The following NAPA variants were observed in gnomAD, a reference collection of about 807,000 sequenced individuals.
The protein encoded by NAPA is alpha-soluble NSF attachment protein.
Under a neutral mutation model 48.0 loss-of-function variants are expected in NAPA, and 18 were observed. That is an observed-to-expected ratio of 0.38 (90% confidence interval 0.26 to 0.56). NAPA has a LOEUF of 0.56. NAPA is among the 20% of genes least tolerant of loss of function. NAPA has a pLI of 0.77. For missense variants in NAPA, 315 were observed against 385.0 expected (o/e 0.82, Z 1.52); for synonymous variants, 152 against 149.9 (o/e 1.01, Z -0.10).
Position 47,489,760 on chromosome 19 carries a change from T to A in NAPA, c.737A>T (p.Lys246Ile). Residue 246 changes from lysine to isoleucine, a missense_variant and splice_region_variant, in exon 10 of 11, where the codon AAA becomes ATA. Transcript: ENST00000263354. ...SDSRECKLMK[K>I]LLEAHEEQNV... ...CTGCTCCTCGTGGGCCTCTAGCAAT[T>A]TCTGCAAGCAAATGGCAGAGAGGGG... is the stretch of plus-strand genomic sequence containing the variant. 6.2e-7 allele frequency: 1 copy of A among 1,614,044 alleles called. No homozygotes were observed. Among genetic ancestry groups the A allele is most frequent in the Non-Finnish European group, 8.5e-7 (1 of 1,179,982 alleles).
rs1325932508 is a variant in NAPA, at chr19:47,488,407, G to A, written c.787-18C>T. 1 of 1,597,222 alleles carries A rather than the reference G, an allele frequency of 6.3e-7. No homozygotes were observed. On this transcript the variant is annotated intron_variant, in intron 10 of 10. Coordinates refer to ENST00000263354, the MANE Select transcript of NAPA (RefSeq NM_003827.4). ...TCCTTCACCTGAGGGCACACCAGGT[G>A]ATAGGCTGGCCATGCTCCCCCCGTT...
intron 3 of NAPA, among the ~76,000 whole-genome samples, chr19:47,498,687 G>C (rs956157017): frequency 2.0e-5 from 3 of 152,176 alleles, no homozygotes; most frequent in Non-Finnish European, 4.4e-5. Flanking sequence ...CCAAAGCACT[G>C]AAATTACAGG....
Position 47,488,329 on chromosome 19 carries a change from T to C in NAPA, c.847A>G (p.Ile283Val). 2.5e-6 allele frequency: 4 copies of C among 1,613,716 alleles called. No individual in the cohort carries two copies. The highest frequency in any genetic ancestry group is 3.4e-6 in the Non-Finnish European group (4 of 1,179,776). The change falls in exon 11 of 11, where the codon ATC (isoleucine) becomes GTC (valine). Residue 283 changes from isoleucine to valine, a missense_variant. Ile to Val is a conservative substitution (Grantham distance 29). This residue lies in a region of NAPA where 137 missense variants were observed against 150.1 expected (regional missense o/e 0.91). Transcript: ENST00000263354. ...DQWLTTMLLR[I>V]KKTIQGDEED... is the part of the protein sequence containing the mutation. ...TCATCGCCCTGGATGGTCTTCTTGA[T>C]GCGCAGCAGCATGGTGGTGAGCCAC... is the stretch of plus-strand genomic sequence containing the variant.
At position 47,490,810 on chromosome 19, in the gene NAPA, G is replaced by C; in HGVS notation, c.713C>G (p.Ser238Cys). 2 of 1,613,780 alleles carry C rather than the reference G, an allele frequency of 1.2e-6. No individual in the cohort carries two copies. Among genetic ancestry groups the C allele is most frequent in the African/African-American group, 1.3e-5 (1 of 75,014 alleles). The change falls in exon 9 of 11, where the codon TCC becomes TGC. Residue 238 changes from serine to cysteine, a missense_variant. Around this residue, in one of 3 missense-constraint regions of NAPA, gnomAD observed 137 missense variants for 150.1 expected, o/e 0.91. Transcript: ENST00000263354. ...TACTTTCATCAACTTGCATTCCCGGGAATCAGAGAAAGCTGGGAACAGCTC... is the reference window on the plus strand; with the variant it reads ...TACTTTCATCAACTTGCATTCCCGGCAATCAGAGAAAGCTGGGAACAGCTC... ...YEELFPAFSD[S>C]RECKLMKKLL...
At chr19:47,503,559 C>G in intron 1 of NAPA, 57 bp from the exon 2 acceptor site, 2 of 1,534,186 alleles carry the variant, frequency 1.3e-6, no homozygotes. Flanking sequence ...CAGGAGAAAG[C>G]AAGCATTCTG....
At chr19:47,500,207 C>T (rs1402253682) in intron 3 of NAPA, among the ~76,000 whole-genome samples, 2 of 152,154 alleles carry the variant, frequency 1.3e-5, no homozygotes, top group African/African-American at 4.8e-5. Context: ...GGCTAATTTC[C>T]GCTCCTTTTT....
intron 7 of NAPA, chr19:47,492,715 T>A: frequency 1.5e-6 from 1 of 653,736 alleles, no homozygotes; most frequent in Non-Finnish European, 2.8e-6. Context: ...CAGGAAGCTC[T>A]GCGAGGGGTG....
chr19:47,513,458 C>A (rs907427455), intron 1 of NAPA, among the ~76,000 whole-genome samples: 1 of 152,216 alleles, frequency 6.6e-6, no homozygotes. Context: ...GATTTGTGAT[C>A]TCCTTTAGCA....
intron 2 of NAPA, among the ~76,000 whole-genome samples, chr19:47,501,247 C>G (rs932879705): frequency 6.6e-6 from 1 of 152,210 alleles, no homozygotes; most frequent in African/African-American, 2.4e-5. Context: ...GGCCCAGAAC[C>G]ACCACTAGAA....
At chr19:47,495,617 G>A (rs762966497) in intron 3 of NAPA, 21 bp from the exon 4 acceptor site, 24 of 1,613,106 alleles carry the variant, frequency 1.5e-5, no homozygotes, top group Non-Finnish European at 8.5e-7. Flanking sequence ...AGGGAGGTGG[G>A]AGGAGACATG....
chr19:47,496,501 G>A (rs945699926), intron 3 of NAPA: 1 of 154,952 alleles, frequency 6.5e-6, no homozygotes, highest in African/African-American at 2.4e-5. Context: ...CACATCTCAG[G>A]AGGACAGGGG....
At chr19:47,512,557 C>G (rs780976207) in intron 1 of NAPA, among the ~76,000 whole-genome samples, 11 of 152,146 alleles carry the variant, frequency 7.2e-5, no homozygotes, top group Non-Finnish European at 1.5e-4. Context: ...GCCAAAGGGA[C>G]CAGACACCCA....
chr19:47,492,495 T>C (rs374340864), intron 7 of NAPA: 60 of 388,848 alleles, frequency 1.5e-4, no homozygotes, highest in African/African-American at 4.8e-4. Flanking sequence ...CGCCCCTCTC[T>C]CCCAGGGGGC....
At chr19:47,508,809 G>A (rs1052700269) in intron 1 of NAPA, among the ~76,000 whole-genome samples, 2 of 152,052 alleles carry the variant, frequency 1.3e-5, no homozygotes, top group Admixed American at 6.5e-5. Flanking sequence ...AGCATGTCTG[G>A]CCACAGTGGC....
chr19:47,512,616 C>G (rs986569872), intron 1 of NAPA: 1 of 152,372 alleles, frequency 6.6e-6, no homozygotes, highest in Non-Finnish European at 1.5e-5. Flanking sequence ...TGGCCCCACC[C>G]CCAAACACAG....
chr19:47,489,684 G>T (rs769895848), intron 10 of NAPA, 27 bp downstream of exon 10: 5 of 1,613,572 alleles, frequency 3.1e-6, no homozygotes, highest in Non-Finnish European at 4.2e-6. Flanking sequence ...CCGTGAAGGG[G>T]CCTGGCCCCC....
intron 3 of NAPA, chr19:47,497,379 A>T (rs928231441): frequency 6.6e-6 from 1 of 152,622 alleles, no homozygotes; most frequent in African/African-American, 2.4e-5. Flanking sequence ...CAGTAGCAGC[A>T]GGGAGACAGC....
At chr19:47,512,311 T>G (rs1446117612) in intron 1 of NAPA, among the ~76,000 whole-genome samples, 1 of 152,086 alleles carries the variant, frequency 6.6e-6, no homozygotes, top group Non-Finnish European at 1.5e-5. Flanking sequence ...CAGCAAGTCC[T>G]GGGATTCCTT....
chr19:47,514,825 C>CCT lies in NAPA; in HGVS notation c.98+16_98+17dup. 1 of 1,611,228 alleles carries CCT rather than the reference C, an allele frequency of 6.2e-7. No individual in the cohort carries two copies. Among genetic ancestry groups the CCT allele is most frequent in the Non-Finnish European group, 8.5e-7 (1 of 1,177,878 alleles). ...CTCTCAGCCTAGGTCCCGGCCGACCCCTCAGCCCGGTTCTCACCCAAAGAG... is the reference window on the plus strand; with the variant it reads ...CTCTCAGCCTAGGTCCCGGCCGACCCCTCTCAGCCCGGTTCTCACCCAAAGAG... On this transcript the variant is annotated intron_variant, in intron 1 of 10. Transcript: ENST00000263354.
Sources: gnomAD v4.1 joint callset for allele counts (sites outside exome capture counted in the v4.1 genomes callset) on GRCh38, gnomAD v4.1.1 for gene constraint, gnomAD v4.1.1 regional missense constraint, MANE v1.5 for transcripts, NCBI Gene and HGNC (gene_info 2026-07-23, HGNC 2026-07-21) for gene names.